PACRG: variants seen among roughly 807,000 people sequenced by gnomAD.
The protein encoded by PACRG is parkin coregulated gene protein.
Under a neutral mutation model 29.7 loss-of-function variants are expected in PACRG, and 29 were observed. The ratio of observed to expected loss-of-function variants is 0.98; its 90% CI spans 0.73 to 1.33. The LOEUF (loss-of-function observed/expected upper bound fraction) is 1.33, where lower values mean the gene tolerates loss of function less well. Among genes scored for constraint, PACRG ranks in the 40% most tolerant of loss-of-function variants. The pLI is 0.00. For missense variants in PACRG, 279 were observed against 316.2 expected, an observed-to-expected ratio of 0.88 and a Z score of 0.89; for synonymous variants, 116 against 118.7, an observed-to-expected ratio of 0.98 and a Z score of 0.15.
intron 4 of PACRG, among the ~76,000 whole-genome samples, chr6:163,255,396 G>A (rs776177034): frequency 2.6e-5 from 4 of 152,146 alleles, no homozygotes; most frequent in South Asian, 2.1e-4. Flanking sequence ...GGTGACTGAC[G>A]GGCAGCAGCC....
chr6:163,306,219 T>C (rs967445721), intron 4 of PACRG, among the ~76,000 whole-genome samples: 20 of 152,230 alleles, frequency 1.3e-4, no homozygotes, highest in Non-Finnish European at 2.5e-4. Context: ...CACCATGAGA[T>C]AAGACAGCGA....
chr6:163,287,419 C>T (rs1411415746), intron 4 of PACRG, among the ~76,000 whole-genome samples: 2 of 152,196 alleles, frequency 1.3e-5, no homozygotes, highest in Non-Finnish European at 2.9e-5. Context: ...CAGCAGCCTT[C>T]GCCGCCACGT....
intron 4 of PACRG, among the ~76,000 whole-genome samples, chr6:163,181,919 A>T (rs1450750253): frequency 6.6e-6 from 1 of 152,124 alleles, no homozygotes; most frequent in African/African-American, 2.4e-5. Flanking sequence ...ACGCCCCCAG[A>T]ATACTATTCA....
chr6:163,247,693 C>T (rs974487734), intron 4 of PACRG, among the ~76,000 whole-genome samples: 3 of 152,048 alleles, frequency 2.0e-5, no homozygotes, highest in Admixed American at 6.6e-5. Flanking sequence ...TATTAGGACC[C>T]CCCTCCATAA....
chr6:163,313,477 T>C (rs1785518592), intron 4 of PACRG, among the ~76,000 whole-genome samples: 1 of 152,210 alleles, frequency 6.6e-6, no homozygotes, highest in African/African-American at 2.4e-5. Context: ...CTGTGTAGGA[T>C]TGTAATTGTT....
rs944819105 is a variant in PACRG at position 163,209,918 on chromosome 6, C to T, written c.614-104909C>T. ...GCAAAGACAGTCAATTGAAATCAAC[C>T]CTCCATTGCACAGTAAGAGTATATG... is the stretch of plus-strand genomic sequence containing the variant. On this transcript the variant is annotated intron_variant, in intron 4 of 4. Coordinates refer to ENST00000366888, the MANE Select transcript of PACRG (RefSeq NM_001080379.2). Among the ~76,000 whole-genome samples, 5 of 152,204 alleles carry T rather than the reference C, an allele frequency of 3.3e-5. 1 individual carries two copies. The South Asian group carries it at 1.0e-3, about 32-fold the overall frequency.
chr6:163,047,123 T>A (rs557204092), intron 2 of PACRG, among the ~76,000 whole-genome samples: 2 of 152,248 alleles, frequency 1.3e-5, no homozygotes, highest in Non-Finnish European at 2.9e-5. Context: ...TTACAATTAA[T>A]ACCAGTGGTG....
rs180691921 is a variant in PACRG at position 163,127,796 on chromosome 6, G to A, written c.613+38388G>A. ...ACAATGTGCCATAACTTCCACACAT[G>A]CTTGTAGCTCAGAGTGCACAGTTTA... is the stretch of plus-strand genomic sequence containing the variant. On this transcript the variant is annotated intron_variant, in intron 4 of 4. Transcript: ENST00000366888. Among the ~76,000 whole-genome samples, 378 of 152,274 alleles carry A rather than the reference G, an allele frequency of 2.5e-3. 6 individuals carry two copies. Among genetic ancestry groups the A allele is most frequent in the Middle Eastern group, 0.01 (3 of 294 alleles).
chr6:163,049,663 A>T lies in PACRG; in HGVS notation c.292-12487A>T, dbSNP rs74890099. ...AAGAAAATACAATTCTCAGAAAAGG[A>T]TATACAAATGACCTTCAAAAATAGC... On this transcript the variant is annotated intron_variant, in intron 2 of 4. Coordinates refer to ENST00000366888, the MANE Select transcript of PACRG (RefSeq NM_001080379.2). Among the ~76,000 whole-genome samples, 590 of 152,230 alleles carry T rather than the reference A, an allele frequency of 3.9e-3. 4 individuals carry two copies. The highest frequency in any genetic ancestry group is 0.014 in the African/African-American group (566 of 41,570).
intron 4 of PACRG, among the ~76,000 whole-genome samples, chr6:163,157,142 A>G (rs766996782): frequency 2.6e-5 from 4 of 152,172 alleles, no homozygotes; most frequent in Non-Finnish European, 5.9e-5. Context: ...ATTACTAACT[A>G]CTACCTGTGG....
At chr6:163,257,647 T>C (rs951836667) in intron 4 of PACRG, among the ~76,000 whole-genome samples, 2 of 152,228 alleles carry the variant, frequency 1.3e-5, no homozygotes, top group African/African-American at 4.8e-5. Flanking sequence ...CTTGAGACAA[T>C]ATTTTCCTTC....
chr6:163,142,567 C>G (rs1380000919), intron 4 of PACRG, among the ~76,000 whole-genome samples: 1 of 152,136 alleles, frequency 6.6e-6, no homozygotes, highest in Non-Finnish European at 1.5e-5. Context: ...TTCTCTCAAA[C>G]TATTCCAGAG....
intron 4 of PACRG, among the ~76,000 whole-genome samples, chr6:163,132,629 C>T (rs1461977346): frequency 2.6e-5 from 4 of 152,316 alleles, no homozygotes; most frequent in African/African-American, 7.2e-5. Flanking sequence ...ATGTGATCCA[C>T]AGAGCCAGGA....
intron 4 of PACRG, among the ~76,000 whole-genome samples, chr6:163,213,343 G>C (rs1781231393): frequency 6.6e-6 from 1 of 151,958 alleles, no homozygotes; most frequent in Non-Finnish European, 1.5e-5. Context: ...AACTGTTTTA[G>C]ATAGGAGAAT....
intron 4 of PACRG, among the ~76,000 whole-genome samples, chr6:163,258,649 C>T (rs1022774195): frequency 1.3e-5 from 2 of 150,764 alleles, no homozygotes; most frequent in Non-Finnish European, 2.9e-5. Context: ...CCCAGCTACT[C>T]GGGAGGCTGA....
At chr6:162,754,585 T>C (rs1319123570) in intron 1 of PACRG, among the ~76,000 whole-genome samples, 1 of 152,150 alleles carries the variant, frequency 6.6e-6, no homozygotes, top group Non-Finnish European at 1.5e-5. Flanking sequence ...TTCTTCTAGT[T>C]GTCTTACCCT....
At chr6:163,183,162 G>A (rs572675716) in intron 4 of PACRG, 5 of 152,310 alleles carry the variant, frequency 3.3e-5, no homozygotes, top group East Asian at 1.9e-4. Context: ...CGACGTGTTC[G>A]GGGAACCGTG....
chr6:163,119,593 T>TA (rs757608729), intron 4 of PACRG, among the ~76,000 whole-genome samples: 4 of 152,218 alleles, frequency 2.6e-5, no homozygotes, highest in Non-Finnish European at 5.9e-5. Context: ...CTCCAAGTGT[T>TA]ACGTATTTTG....
intron 4 of PACRG, among the ~76,000 whole-genome samples, chr6:163,155,712 CA>C (rs1334725539): frequency 2.6e-5 from 4 of 152,222 alleles, no homozygotes; most frequent in African/African-American, 7.2e-5. Context: ...ATAATCCACT[CA>C]ACTGACTCTA....
Sources: gnomAD v4.1 joint callset for allele counts (sites outside exome capture counted in the v4.1 genomes callset) on GRCh38, gnomAD v4.1.1 for gene constraint, MANE v1.5 for transcripts, NCBI Gene and HGNC (gene_info 2026-07-23, HGNC 2026-07-21) for gene names.